DRC11: variants seen among roughly 807,000 people sequenced by gnomAD.
DRC11 encodes IQ and AAA domain-containing protein 1.
the DRC11 span, among the ~76,000 whole-genome samples, chr2:236,416,768 T>TATATATATATATATATAA: frequency 1.1e-3 from 98 of 92,914 alleles, 3 homozygotes; most frequent in Middle Eastern, 0.018. Context: ...TATATATATA[T>TATATATATATATATATAA]AAATAATTTT....
chr2:236,392,175 G>C, the DRC11 span: 1 of 1,489,688 alleles, frequency 6.7e-7, no homozygotes, highest in Non-Finnish European at 9.3e-7. The surrounding 1 kb of genome is among the most constrained non-coding windows in gnomAD (Gnocchi z 5.1). Context: ...TCATTAGTAG[G>C]AAATTGTAAA....
chr2:236,430,865 G>C, the DRC11 span, among the ~76,000 whole-genome samples: 4 of 152,054 alleles, frequency 2.6e-5, no homozygotes, highest in Admixed American at 2.6e-4. This position sits in a 1 kb window ranked among gnomAD's most constrained non-coding sequence, Gnocchi z 6.0. Flanking sequence ...AAATGTAGTC[G>C]CTTTTGTTTT....
At chr2:236,380,679 G>T in the DRC11 span, 1 of 1,418,052 alleles carries the variant, frequency 7.1e-7, no homozygotes, top group Non-Finnish European at 9.7e-7. The surrounding 1 kb of genome is among the most constrained non-coding windows in gnomAD (Gnocchi z 4.9). Flanking sequence ...GTCAAAACAA[G>T]CAAGCAAATA....
chr2:236,331,169 T>G, the DRC11 span, among the ~76,000 whole-genome samples: 1 of 152,190 alleles, frequency 6.6e-6, no homozygotes, highest in African/African-American at 2.4e-5. This position sits in a 1 kb window ranked among gnomAD's most constrained non-coding sequence, Gnocchi z 4.8. Context: ...ACACCATGGT[T>G]TTCCTAAAAT....
At chr2:236,380,349 G>T in the DRC11 span, among the ~76,000 whole-genome samples, 13 of 152,330 alleles carry the variant, frequency 8.5e-5, no homozygotes, top group Admixed American at 1.3e-4. The surrounding 1 kb of genome is among the most constrained non-coding windows in gnomAD (Gnocchi z 4.9). Context: ...TTAAAAAAAT[G>T]TTATGACGTC....
the DRC11 span, among the ~76,000 whole-genome samples, chr2:236,452,185 A>G: frequency 3.3e-5 from 5 of 152,204 alleles, no homozygotes; most frequent in African/African-American, 1.2e-4. This position sits in a 1 kb window ranked among gnomAD's most constrained non-coding sequence, Gnocchi z 4.7. Context: ...CATTTGGTCA[A>G]GTTAAGGCCT....
chr2:236,309,020 G>A, the DRC11 span, among the ~76,000 whole-genome samples: 9 of 152,150 alleles, frequency 5.9e-5, no homozygotes, highest in Admixed American at 2.0e-4. The surrounding 1 kb of genome is among the most constrained non-coding windows in gnomAD (Gnocchi z 5.7). Context: ...CTTCCTTTCC[G>A]GGCAGCACCT....
chr2:236,358,089 A>C, the DRC11 span, among the ~76,000 whole-genome samples: 1 of 121,212 alleles, frequency 8.3e-6, no homozygotes, highest in Non-Finnish European at 1.6e-5. Context: ...ATATATAGAT[A>C]TATACCATAT....
the DRC11 span, chr2:236,338,188 G>C: frequency 1.9e-6 from 3 of 1,610,430 alleles, no homozygotes; most frequent in East Asian, 4.5e-5. Flanking sequence ...GCATGGGAAG[G>C]GGCTGGGGGT....
the DRC11 span, among the ~76,000 whole-genome samples, chr2:236,325,365 G>A: frequency 1.3e-5 from 2 of 152,056 alleles, no homozygotes; most frequent in Admixed American, 6.6e-5. This position sits in a 1 kb window ranked among gnomAD's most constrained non-coding sequence, Gnocchi z 4.4. Context: ...GTTATTTATC[G>A]ATTCTCCTAT....
At chr2:236,423,378 C>A in the DRC11 span, among the ~76,000 whole-genome samples, 10 of 152,024 alleles carry the variant, frequency 6.6e-5, no homozygotes, top group East Asian at 3.9e-4. Flanking sequence ...ACGCCATCAA[C>A]AAGTGGGCAA....
the DRC11 span, among the ~76,000 whole-genome samples, chr2:236,484,188 C>A: frequency 6.6e-6 from 1 of 152,204 alleles, no homozygotes; most frequent in African/African-American, 2.4e-5. Flanking sequence ...AAAAGAATCC[C>A]GATTTTTGTC....
chr2:236,329,033 A>T, the DRC11 span, among the ~76,000 whole-genome samples: 1 of 152,294 alleles, frequency 6.6e-6, no homozygotes, highest in South Asian at 2.1e-4. Flanking sequence ...CTCAGAAATC[A>T]CCTGCTTTTC....
chr2:236,503,554 G>T, the DRC11 span: 7 of 1,337,668 alleles, frequency 5.2e-6, no homozygotes, highest in South Asian at 7.5e-5. The surrounding 1 kb of genome is among the most constrained non-coding windows in gnomAD (Gnocchi z 4.9). Context: ...ATCCCTGTCT[G>T]GGGGAGACCA....
the DRC11 span, among the ~76,000 whole-genome samples, chr2:236,480,833 C>T: frequency 6.6e-6 from 1 of 152,142 alleles, no homozygotes; most frequent in Non-Finnish European, 1.5e-5. Flanking sequence ...TTATTCCAGT[C>T]TTTTCTGTTT....
the DRC11 span, chr2:236,488,261 A>G: frequency 8.7e-7 from 1 of 1,148,162 alleles, no homozygotes; most frequent in Admixed American, 3.0e-5. Context: ...CAGACACATC[A>G]CATGCTTACT....
chr2:236,473,780 C>CAA, the DRC11 span, among the ~76,000 whole-genome samples: 58 of 142,740 alleles, frequency 4.1e-4, no homozygotes, highest in African/African-American at 1.5e-3. The surrounding 1 kb of genome is among the most constrained non-coding windows in gnomAD (Gnocchi z 4.8). Flanking sequence ...TGACAATATC[C>CAA]AAAAAAAAAA....
chr2:236,310,517 T>C, the DRC11 span, among the ~76,000 whole-genome samples: 4 of 152,226 alleles, frequency 2.6e-5, no homozygotes, highest in African/African-American at 9.6e-5. This position sits in a 1 kb window ranked among gnomAD's most constrained non-coding sequence, Gnocchi z 5.5. Context: ...AGTCACTTGA[T>C]GTCATGAGGA....
At chr2:236,311,295 T>G in the DRC11 span, among the ~76,000 whole-genome samples, 1 of 152,142 alleles carries the variant, frequency 6.6e-6, no homozygotes, top group Non-Finnish European at 1.5e-5. The surrounding 1 kb of genome is among the most constrained non-coding windows in gnomAD (Gnocchi z 6.9). Flanking sequence ...TAGCAGGTGG[T>G]GGTGCTCACT....
Sources: allele counts gnomAD v4.1 joint callset (sites outside exome capture counted in the v4.1 genomes callset), GRCh38; gene constraint gnomAD v4.1.1; non-coding constraint Gnocchi (gnomAD v3.1); transcripts MANE v1.5; gene names NCBI Gene and HGNC (gene_info 2026-07-23, HGNC 2026-07-21).